Variants in APOBEC3D observed in about 807,000 individuals in gnomAD.
APOBEC3D encodes apolipoprotein B mRNA editing enzyme catalytic subunit 3D.
Under a neutral mutation model 45.6 loss-of-function variants are expected in APOBEC3D, and 37 were observed. The observed-to-expected ratio is 0.81, with a 90% confidence interval of 0.62 to 1.07. APOBEC3D has a LOEUF of 1.07. Among genes scored for constraint, APOBEC3D ranks in the 50% least tolerant of loss-of-function variants. The pLI, the probability that APOBEC3D is intolerant of heterozygous loss-of-function variation, is 0.00. For missense variants in APOBEC3D, 496 were observed against 495.3 expected (o/e 1.00, Z -0.01); for synonymous variants, 175 against 180.7 (o/e 0.97, Z 0.25).
rs1294772920 is a variant in APOBEC3D at position 39,032,969 on chromosome 22, T to G, written c.*653T>G. ...AGTCTGGCCCTGGTGACTCACGCCT[T>G]TCGGAGGCAGAGGTGGGAGAATCGC... On this transcript the variant is annotated 3_prime_UTR_variant, in exon 7 of 7. Transcript: ENST00000216099. 6.6e-6 allele frequency: 1 copy of G among 151,770 alleles called. No homozygotes were observed. The highest frequency in any genetic ancestry group is 1.5e-5 in the Non-Finnish European group (1 of 68,256). 9.4% of individuals were successfully genotyped at this position (151,770 alleles called of 1,614,324 possible).
chr22:39,025,107 T>A lies in APOBEC3D; in HGVS notation c.248T>A (p.Phe83Tyr). 6.3e-7 allele frequency: 1 copy of A among 1,599,474 alleles called. No homozygotes were observed. ...TTTGAGAACCACGCAGAAATGTGCT[T>A]CTTATCTTGGTTCTGTGGCAACCGA... ...FRFENHAEMC[F>Y]LSWFCGNRLP... Residue 83 changes from phenylalanine to tyrosine, a missense_variant, in exon 3 of 7, where the codon TTC becomes TAC. By Grantham distance (22) the Phe-to-Tyr change is conservative (BLOSUM62 3). Coordinates refer to ENST00000216099, the MANE Select transcript of APOBEC3D (RefSeq NM_152426.4).
chr22:39,025,632 A>G lies in APOBEC3D; in HGVS notation c.566A>G (p.Asn189Ser), dbSNP rs368179608. ...ATGCCTTGGTACAAATTCGATGACA[A>G]TTATGCATCCCTGCACCGCACGCTA... ...PFMPWYKFDDNYASLHRTLKE... is the reference protein window; with the variant it reads ...PFMPWYKFDDSYASLHRTLKE... The change falls in exon 4 of 7, where the codon AAT (asparagine) becomes AGT (serine). Residue 189 changes from asparagine to serine, a missense_variant. By Grantham distance (46) the Asn-to-Ser change is conservative. Coordinates refer to ENST00000216099, the MANE Select transcript of APOBEC3D (RefSeq NM_152426.4). 51 of 1,613,976 alleles carry G rather than the reference A, an allele frequency of 3.2e-5. No individual in the cohort carries two copies. Among genetic ancestry groups the G allele is most frequent in the Non-Finnish European group, 4.0e-5 (47 of 1,180,006 alleles).
rs1925978447 is a variant in APOBEC3D, at chr22:39,029,344, TTC to T, written c.606-13_606-12del. On this transcript the variant is annotated splice_polypyrimidine_tract_variant and intron_variant, in intron 4 of 6. Coordinates refer to ENST00000216099, the MANE Select transcript of APOBEC3D (RefSeq NM_152426.4). ...CTCCGAGGAATCTCTGCACTGGGGT[TTC>T]TCTCTTGTGCCCTCAGAAACCCGAT... is the stretch of plus-strand genomic sequence containing the variant. 1 of 1,613,632 alleles carries T rather than the reference TTC, an allele frequency of 6.2e-7. No individual in the cohort carries two copies. Among genetic ancestry groups the T allele is most frequent in the South Asian group, 1.1e-5 (1 of 91,064 alleles).
At chr22:39,025,530 T>C in intron 3 of APOBEC3D, 27 bp from the exon 4 acceptor site, 1 of 1,614,090 alleles carries the variant, frequency 6.2e-7, no homozygotes, top group Non-Finnish European at 8.5e-7. Context: ...GGGGAGAGCC[T>C]GAGTGCTTCC....
In APOBEC3D at chr22:39,033,216, G is replaced by C; in HGVS notation, c.*900G>C. The C allele has an allele frequency of 1.0e-6, 1 of 968,848 alleles. No homozygotes were observed. The highest frequency in any genetic ancestry group is 1.2e-6 in the Non-Finnish European group (1 of 814,910). 60.0% of individuals were successfully genotyped at this position (968,848 alleles called of 1,614,324 possible). A position where few individuals can be genotyped will look rare whatever the true frequency, so the allele number is the denominator to read the frequency against. ...TGAGCAACAGATCAAGACCCTGCCT[G>C]AAAATAAATCAATAAATACACTCAA... On this transcript the variant is annotated 3_prime_UTR_variant, in exon 7 of 7. Coordinates refer to ENST00000216099, the MANE Select transcript of APOBEC3D (RefSeq NM_152426.4).
At position 39,023,549 on chromosome 22, in the gene APOBEC3D, C is replaced by G. The variant is rs1400976221; in HGVS notation, c.210+535C>G. On this transcript the variant is annotated intron_variant, in intron 2 of 6. Transcript: ENST00000216099. ...TCAACTTCCGCCTCCTGGGTTCAAG[C>G]GATTATCCTGCCTCAGCCACCTGAA... 2.0e-5 allele frequency among the ~76,000 whole-genome samples: 3 copies of G among 150,912 alleles called. No homozygotes were observed. In the Admixed American group the frequency reaches 2.0e-4, roughly 10 times the overall value.
chr22:39,023,215 A>C (rs1925300327), intron 2 of APOBEC3D, among the ~76,000 whole-genome samples: 1 of 151,958 alleles, frequency 6.6e-6, no homozygotes, highest in South Asian at 2.1e-4. Context: ...TCTTGGGTTC[A>C]AGCGATTCTC....
rs1393580488 is a variant in APOBEC3D, at chr22:39,031,759, G to C, written c.828G>C (p.Leu276=). The change falls in exon 6 of 7, where the codon CTG becomes CTC. Residue 276 remains leucine (L), a synonymous_variant. Coordinates refer to ENST00000216099, the MANE Select transcript of APOBEC3D (RefSeq NM_152426.4). ...TCTCTTGGTTCTGTGACGACATACT[G>C]TCTCCTAACACAAACTACGAGGTCA... ...CFLSWFCDDI[L]SPNTNYEVTW... 1 of 1,613,536 alleles carries C rather than the reference G, an allele frequency of 6.2e-7. No individual in the cohort carries two copies. The highest frequency in any genetic ancestry group is 8.5e-7 in the Non-Finnish European group (1 of 1,179,662).
intron 2 of APOBEC3D, among the ~76,000 whole-genome samples, chr22:39,024,607 T>C (rs7289668): frequency 0.34 from 52,368 of 152,006 alleles, 9,612 homozygotes; most frequent in East Asian, 0.55. Context: ...TTCCAGGGCC[T>C]GCGAGCTGCA....
Position 39,033,247 on chromosome 22 carries a change from A to G in APOBEC3D, c.*931A>G, listed in dbSNP as rs1003295276. On this transcript the variant is annotated 3_prime_UTR_variant, in exon 7 of 7. Transcript: ENST00000216099. ...AAATCAATAAATACACTCAACCTAAATGGATATGAATATATGTAAGTTGAA... is the reference window on the plus strand; with the variant it reads ...AAATCAATAAATACACTCAACCTAAGTGGATATGAATATATGTAAGTTGAA... The G allele has an allele frequency of 1.0e-6, 1 of 977,646 alleles. No individual in the cohort carries two copies. Among genetic ancestry groups the G allele is most frequent in the African/African-American group, 1.8e-5 (1 of 57,060 alleles). 60.6% of individuals were successfully genotyped at this position (977,646 alleles called of 1,614,324 possible). A position where few individuals can be genotyped will look rare whatever the true frequency, so the allele number is the denominator to read the frequency against.
intron 4 of APOBEC3D, among the ~76,000 whole-genome samples, chr22:39,027,844 C>T (rs1192712972): frequency 2.0e-5 from 3 of 152,142 alleles, no homozygotes; most frequent in Admixed American, 1.3e-4. Flanking sequence ...GGCCATCTCC[C>T]CCACCTGCCC....
rs1569056536 is a variant in APOBEC3D, at chr22:39,025,562, G to A, written c.496G>A (p.Ala166Thr). Residue 166 changes from alanine to threonine, a missense_variant, in exon 4 of 7, where the codon GCA (alanine) becomes ACA (threonine). Physicochemically the swap from Ala to Thr is moderately conservative, Grantham distance 58. Transcript: ENST00000216099. ...RVKIMDYEDF[A>T]YCWENFVCNE... ...TTCCCACCTCTTCATCTCAGACTTT[G>A]CATACTGCTGGGAAAACTTTGTGTG... The A allele has an allele frequency of 1.9e-6, 3 of 1,613,994 alleles. No individual in the cohort carries two copies. Among genetic ancestry groups the A allele is most frequent in the African/African-American group, 2.7e-5 (2 of 74,884 alleles).
At chr22:39,028,353 C>T (rs542941978) in intron 4 of APOBEC3D, among the ~76,000 whole-genome samples, 5 of 152,240 alleles carry the variant, frequency 3.3e-5, no homozygotes, top group South Asian at 2.1e-4. Flanking sequence ...GGGCTGGCCT[C>T]GAAAGGGGCC....
At chr22:39,023,595 C>G (rs575999059) in intron 2 of APOBEC3D, among the ~76,000 whole-genome samples, 4 of 151,544 alleles carry the variant, frequency 2.6e-5, no homozygotes, top group Non-Finnish European at 5.9e-5. Context: ...TACAGGTGCA[C>G]GCCACCGTGC....
At chr22:39,021,665 C>A in intron 1 of APOBEC3D, 129 bp downstream of exon 1, 3 of 1,306,684 alleles carry the variant, frequency 2.3e-6, no homozygotes, top group Admixed American at 3.8e-5. Flanking sequence ...GCTTCCCTGC[C>A]GCCCCCACTC....
chr22:39,031,237 C>G (rs6001393), intron 5 of APOBEC3D, among the ~76,000 whole-genome samples: 1,902 of 151,844 alleles, frequency 0.013, 44 homozygotes, highest in African/African-American at 0.043. Flanking sequence ...ATAAAACGCC[C>G]TGGGGCCTAC....
At chr22:39,028,138 C>T (rs1341543511) in intron 4 of APOBEC3D, among the ~76,000 whole-genome samples, 5 of 152,162 alleles carry the variant, frequency 3.3e-5, no homozygotes, top group East Asian at 3.8e-4. Context: ...AAGACGCCTC[C>T]GCTGTGAGCA....
chr22:39,027,403 TG>T (rs554132364), intron 4 of APOBEC3D, among the ~76,000 whole-genome samples: 136 of 151,966 alleles, frequency 8.9e-4, no homozygotes, highest in Admixed American at 6.0e-3. Context: ...AGCTACCGGG[TG>T]GGGGGCGTCC....
chr22:39,032,537 C>G lies in APOBEC3D; in HGVS notation c.*221C>G, dbSNP rs1162510609. 3.9e-6 allele frequency: 5 copies of G among 1,295,660 alleles called. No homozygotes were observed. In the Admixed American group the frequency reaches 1.4e-4, roughly 37 times the overall value. 80.3% of individuals were successfully genotyped at this position (1,295,660 alleles called of 1,614,324 possible). A position where few individuals can be genotyped will look rare whatever the true frequency, so the allele number is the denominator to read the frequency against. ...ATCCACCTCCCCAGTCCTGTTCCCC[C>G]AGCCTGGGTGCCCCTAACTTGACTC... is the stretch of plus-strand genomic sequence containing the variant. On this transcript the variant is annotated 3_prime_UTR_variant, in exon 7 of 7. Transcript: ENST00000216099.
Sources: allele counts gnomAD v4.1 joint callset (sites outside exome capture counted in the v4.1 genomes callset), GRCh38; gene constraint gnomAD v4.1.1; transcripts MANE v1.5; gene names NCBI Gene and HGNC (gene_info 2026-07-23, HGNC 2026-07-21).